MGAM: variants seen among roughly 807,000 people sequenced by gnomAD.
The protein encoded by MGAM is maltase-glucoamylase.
Under a neutral mutation model 358.8 loss-of-function variants are expected in MGAM, and 253 were observed. That is an observed-to-expected ratio of 0.71 (90% CI 0.64 to 0.78). The LOEUF is 0.78. MGAM is among the 30% of genes least tolerant of loss of function. The pLI is 0.00. For synonymous variants in MGAM, 1,105 were observed against 1,227.1 expected (o/e 0.90, Z 2.08); for missense variants, 3,080 against 3,432.6 (o/e 0.90, Z 2.57).
intron 21 of MGAM, among the ~76,000 whole-genome samples, chr7:142,046,159 A>G (rs1421209533): frequency 6.9e-6 from 1 of 144,986 alleles, no homozygotes. Flanking sequence ...TATTTATATT[A>G]TATTTTTGTT....
rs782785096 is a variant in MGAM at position 142,027,126 on chromosome 7, C to T, written c.994C>T (p.Gln332Ter). The T allele has an allele frequency of 6.8e-6, 11 of 1,612,846 alleles. No individual in the cohort carries two copies. Among genetic ancestry groups the T allele is most frequent in the Non-Finnish European group, 8.5e-6 (10 of 1,178,982 alleles). Residue 332 changes from glutamine to a stop codon, truncating the protein, a stop_gained, in exon 9 of 71, where the codon CAG becomes TAG. Transcript: ENST00000475668. LOFTEE classifies it high-confidence loss of function. ...MNSNAMEVVLQPAPAITYRTI... is the reference protein window; with the variant it reads ...MNSNAMEVVL Reference sequence around the variant, plus strand: ...TTTAACCTTTCAAGAGGTTGTCCTTCAGCCTGCGCCAGCCATCACTTACCG... The same window carrying T: ...TTTAACCTTTCAAGAGGTTGTCCTTTAGCCTGCGCCAGCCATCACTTACCG...
rs760133658 is a variant in MGAM, at chr7:142,082,606, G to T, written c.6268+35G>T. Reference sequence around the variant, plus strand: ...TCCAGCGCCTCCCTTATTTTGGGGGGATACCAGTCATGCCTGAGTCAGTTT... The same window carrying T: ...TCCAGCGCCTCCCTTATTTTGGGGGTATACCAGTCATGCCTGAGTCAGTTT... On this transcript the variant is annotated intron_variant, in intron 52 of 70. Coordinates refer to ENST00000475668, the MANE Select transcript of MGAM (RefSeq NM_001365693.1). 2.2e-5 allele frequency: 31 copies of T among 1,401,598 alleles called. 3 individuals are homozygous for T. The South Asian group carries it at 3.8e-4, about 17-fold the overall frequency. The allele number at this position is 1,401,598 out of a possible 1,614,324, so 86.8% of individuals were successfully genotyped here.
At chr7:142,087,520 G>A (rs1260723988) in intron 57 of MGAM, among the ~76,000 whole-genome samples, 1 of 146,172 alleles carries the variant, frequency 6.8e-6, no homozygotes, top group Non-Finnish European at 1.5e-5. Flanking sequence ...AGGATTCTTA[G>A]TGCGGGTCCA....
chr7:141,987,050 G>C (rs1044733649), intron 2 of MGAM, among the ~76,000 whole-genome samples: 25 of 152,142 alleles, frequency 1.6e-4, no homozygotes, highest in African/African-American at 5.8e-4. Flanking sequence ...CTGGACAATG[G>C]AGACGAAACA....
intron 21 of MGAM, among the ~76,000 whole-genome samples, chr7:142,042,562 A>G (rs1313846801): frequency 3.2e-5 from 1 of 31,352 alleles, no homozygotes; most frequent in African/African-American, 1.3e-4. Flanking sequence ...TACATATTAT[A>G]TATAATATAT....
chr7:142,038,434 G>A (rs570459271), intron 18 of MGAM, 97 bp from the exon 19 acceptor site: 15 of 909,308 alleles, frequency 1.6e-5, no homozygotes, highest in East Asian at 1.6e-4. Flanking sequence ...CTGGGCAGAC[G>A]GCCTGCATGC....
chr7:142,021,170 T>C (rs781924215), intron 5 of MGAM, 87 bp downstream of exon 5: 10 of 928,778 alleles, frequency 1.1e-5, no homozygotes, highest in Non-Finnish European at 1.6e-5. Context: ...AATAGAAAAT[T>C]TTGCTACTGG....
intron 55 of MGAM, 71 bp downstream of exon 55, chr7:142,086,032 C>T: frequency 6.6e-7 from 1 of 1,518,830 alleles, no homozygotes. Flanking sequence ...AAGTGTTATA[C>T]TTTATTTCCA....
intron 3 of MGAM, among the ~76,000 whole-genome samples, chr7:142,017,409 G>T (rs185068219): frequency 6.6e-6 from 1 of 152,114 alleles, no homozygotes; most frequent in Non-Finnish European, 1.5e-5. Context: ...TATTATGTGG[G>T]TCTTGCACCA....
At chr7:141,992,290 C>T (rs1803981109), upstream of MGAM, among the ~76,000 whole-genome samples, 2 of 152,112 alleles carry the variant, frequency 1.3e-5, no homozygotes, top group African/African-American at 4.8e-5. Context: ...TGCTTAAGCT[C>T]CCCCAGTTAA....
intron 16 of MGAM, among the ~76,000 whole-genome samples, chr7:142,035,402 G>A (rs1198828027): frequency 6.6e-6 from 1 of 152,094 alleles, no homozygotes; most frequent in Non-Finnish European, 1.5e-5. Flanking sequence ...TGACAAACTA[G>A]GGTAAAAAGA....
chr7:142,017,280 G>T (rs1178758822), intron 3 of MGAM, among the ~76,000 whole-genome samples: 1 of 152,110 alleles, frequency 6.6e-6, no homozygotes, highest in East Asian at 1.9e-4. Flanking sequence ...CCAACTTAAA[G>T]GGGCATTTTG....
intron 8 of MGAM, among the ~76,000 whole-genome samples, chr7:142,025,424 A>G (rs566263145): frequency 2.0e-5 from 3 of 150,922 alleles, no homozygotes; most frequent in South Asian, 2.1e-4. Context: ...ACCCTTCCCT[A>G]TAATTTACTC....
At chr7:142,086,850 T>G in intron 57 of MGAM, 133 bp downstream of exon 57, 1 of 416,538 alleles carries the variant, frequency 2.4e-6, no homozygotes, top group Non-Finnish European at 4.2e-6. Flanking sequence ...GTGTGTTGGA[T>G]GTCAGTCTGT....
At chr7:142,028,608 T>C (rs782265564) in intron 10 of MGAM, among the ~76,000 whole-genome samples, 25 of 152,178 alleles carry the variant, frequency 1.6e-4, no homozygotes, top group Non-Finnish European at 3.1e-4. Context: ...TACTATTAAA[T>C]TGGGAATAAG....
intron 3 of MGAM, among the ~76,000 whole-genome samples, chr7:142,011,738 A>T (rs2128987959): frequency 6.6e-6 from 1 of 152,324 alleles, no homozygotes; most frequent in South Asian, 2.1e-4. Context: ...AAAATATTTT[A>T]GAATAGTGAT....
chr7:142,088,800 TC>T (rs1563214362), intron 57 of MGAM, among the ~76,000 whole-genome samples: 25 of 123,952 alleles, frequency 2.0e-4, no homozygotes, highest in East Asian at 1.0e-3. Context: ...TATCTATCTA[TC>T]ATTCTATCCT....
At chr7:142,029,396 C>G (rs1807261987) in intron 10 of MGAM, among the ~76,000 whole-genome samples, 1 of 151,984 alleles carries the variant, frequency 6.6e-6, no homozygotes, top group African/African-American at 2.4e-5. Context: ...GATTAGAAAT[C>G]CCATTTAATA....
chr7:142,095,139 G>T (rs1204064735), intron 63 of MGAM, among the ~76,000 whole-genome samples: 1 of 151,956 alleles, frequency 6.6e-6, no homozygotes, highest in African/African-American at 2.4e-5. Flanking sequence ...GCTAATTTTT[G>T]TGTTTTGTAG....
Sources: allele counts gnomAD v4.1 joint callset (sites outside exome capture counted in the v4.1 genomes callset), GRCh38; gene constraint gnomAD v4.1.1; transcripts MANE v1.5; gene names NCBI Gene and HGNC (gene_info 2026-07-23, HGNC 2026-07-21).